Variants in SHOX observed in about 807,000 individuals in gnomAD.
The protein encoded by SHOX is short stature homeobox protein.
Under a neutral mutation model 29.6 loss-of-function variants are expected in SHOX, and 12 were observed. The observed-to-expected ratio is 0.41, with a 90% CI of 0.26 to 0.66. SHOX has a LOEUF of 0.66. SHOX is among the 30% of genes least tolerant of loss of function. The pLI is 0.35. For synonymous variants in SHOX, 214 were observed against 200.6 expected, an observed-to-expected ratio of 1.07 and a Z score of -0.57; for missense variants, 499 against 437.7, an observed-to-expected ratio of 1.14 and a Z score of -1.25.
At chrX:656,132 A>G (rs1420173167), downstream of SHOX, among the ~76,000 whole-genome samples, 2 of 145,872 alleles carry the variant, frequency 1.4e-5, no homozygotes, top group Non-Finnish European at 3.0e-5. Flanking sequence ...CAACAAAGTG[A>G]GACCCTGTCT....
intron 1 of SHOX, chrX:631,957 C>T (rs780948532): frequency 2.2e-6 from 1 of 456,104 alleles, no homozygotes; most frequent in Admixed American, 2.3e-5. Context: ...GCCGGGCCCC[C>T]GGAGATCACG....
chrX:625,669 C>T (rs1461881664), intron 1 of SHOX, among the ~76,000 whole-genome samples: 4 of 132,424 alleles, frequency 3.0e-5, no homozygotes, highest in African/African-American at 1.1e-4. Flanking sequence ...GTCTTCGTTC[C>T]TCTCTCTCTT....
intron 4 of SHOX, among the ~76,000 whole-genome samples, chrX:642,838 T>TGGGACCTGGTGTCCTGGGAGAGGCTTG (rs2052880423): frequency 7.3e-6 from 1 of 136,650 alleles, no homozygotes. Context: ...GGAGGGCCTT[T>TGGGACCTGGTGTCCTGGGAGAGGCTTG]GGGACCTGGT....
At chrX:628,331 C>G (rs1284462780), upstream of SHOX, among the ~76,000 whole-genome samples, 4 of 150,610 alleles carry the variant, frequency 2.7e-5, 1 homozygote, top group Non-Finnish European at 1.5e-5. Flanking sequence ...TTGTCTCTCT[C>G]TTTCTCTCTC....
intron 2 of SHOX, among the ~76,000 whole-genome samples, chrX:635,741 G>C (rs534232692): frequency 6.1e-4 from 93 of 152,264 alleles, no homozygotes; most frequent in Non-Finnish European, 1.2e-3. Context: ...CAGGGGTGCT[G>C]CTGGGAGAGC....
rs1207284547 is a variant in SHOX at position 649,904 on chromosome X, C to T, written c.*5268C>T. 1 of 455,932 alleles carries T rather than the reference C, an allele frequency of 2.2e-6. No homozygotes were observed. The highest frequency in any genetic ancestry group is 2.4e-5 in the Admixed American group (1 of 42,542). The allele number at this position is 455,932 out of a possible 1,614,324, so 28.2% of individuals were successfully genotyped here. A position where few individuals can be genotyped will look rare whatever the true frequency, so the allele number is the denominator to read the frequency against. On this transcript the variant is annotated 3_prime_UTR_variant, in exon 5 of 5. Coordinates refer to ENST00000686671, the MANE Select transcript of SHOX (RefSeq NM_000451.4). ...TGGTGAAATCTGTTTCTGACATATC[C>T]ACTTTTCTCTCTCTTTTCTCTCTCT...
In SHOX at chrX:644,900, G is replaced by A; in HGVS notation, c.*264G>A. 1 of 461,010 alleles carries A rather than the reference G, an allele frequency of 2.2e-6. No individual in the cohort carries two copies. Among genetic ancestry groups the A allele is most frequent in the Non-Finnish European group, 3.7e-6 (1 of 269,132 alleles). 28.6% of individuals were successfully genotyped at this position (461,010 alleles called of 1,614,324 possible). A position where few individuals can be genotyped will look rare whatever the true frequency, so the allele number is the denominator to read the frequency against. Reference sequence around the variant, plus strand: ...CCCGGGCCTCTCCAAGGCTGCCCGTGCGTCCTGGGACCCTGGAGAAGGGTA... The same window carrying A: ...CCCGGGCCTCTCCAAGGCTGCCCGTACGTCCTGGGACCCTGGAGAAGGGTA... On this transcript the variant is annotated 3_prime_UTR_variant, in exon 5 of 5. Transcript: ENST00000686671.
chrX:658,471 C>CTTT (rs777890718), intron 5 of SHOX, among the ~76,000 whole-genome samples: 1 of 134,434 alleles, frequency 7.4e-6, no homozygotes, highest in Non-Finnish European at 1.6e-5. Flanking sequence ...AAAAAGAACT[C>CTTT]TTTTTTTTTT....
At chrX:656,941 AT>A (rs2053156665) in intron 5 of SHOX, among the ~76,000 whole-genome samples, 1 of 91,228 alleles carries the variant, frequency 1.1e-5, no homozygotes, top group Non-Finnish European at 2.2e-5. Context: ...AAAAAAAAAA[AT>A]GCTGCCCAAG....
At chrX:638,274 G>T (rs1569494263) in intron 2 of SHOX, among the ~76,000 whole-genome samples, 1 of 150,954 alleles carries the variant, frequency 6.6e-6, no homozygotes, top group Non-Finnish European at 1.5e-5. Context: ...TTTTCCTCTC[G>T]CCGTGTTGAA....
At chrX:642,961 T>TG (rs2052883834) in intron 4 of SHOX, among the ~76,000 whole-genome samples, 1 of 133,064 alleles carries the variant, frequency 7.5e-6, no homozygotes, top group Non-Finnish European at 1.6e-5. Context: ...CCTGGTGTTC[T>TG]GGGAGAGGCT....
rs73607270 is a variant in SHOX at position 639,104 on chromosome X, G to A, written c.487-1717G>A. 2.6e-3 allele frequency among the ~76,000 whole-genome samples: 403 copies of A among 152,286 alleles called. 4 individuals are homozygous for A. The highest frequency in any genetic ancestry group is 9.1e-3 in the African/African-American group (377 of 41,556). ...AATACTGGGAGAGCAGAGGAGGCTC[G>A]TAGGAGGTGAGAGGGGGTGGAATTT... On this transcript the variant is annotated intron_variant, in intron 2 of 4. Transcript: ENST00000686671.
At chrX:636,970 A>ATATATATATATATATATATTT (rs1458275715) in intron 2 of SHOX, among the ~76,000 whole-genome samples, 10 of 137,334 alleles carry the variant, frequency 7.3e-5, no homozygotes, top group African/African-American at 2.5e-4. Flanking sequence ...ATATATATAT[A>ATATATATATATATATATATTT]TTTTGGCTCC....
chrX:640,495 G>C (rs1224771321), intron 2 of SHOX, among the ~76,000 whole-genome samples: 2 of 152,154 alleles, frequency 1.3e-5, no homozygotes, highest in Non-Finnish European at 2.9e-5. Context: ...AGAATGGCTT[G>C]AACCTGGGAG....
chrX:629,776 G>A (rs2052614912), upstream of SHOX, among the ~76,000 whole-genome samples: 1 of 152,124 alleles, frequency 6.6e-6, no homozygotes, highest in Non-Finnish European at 1.5e-5. Flanking sequence ...TTTGCAGAAG[G>A]TCCTTGGCAG....
chrX:634,111 C>G (rs1201434099), intron 1 of SHOX, among the ~76,000 whole-genome samples: 1 of 152,064 alleles, frequency 6.6e-6, no homozygotes, highest in Non-Finnish European at 1.5e-5. Context: ...AAACAGGCTT[C>G]GGGTAGGGGC....
In SHOX at chrX:631,041, G is replaced by A. The variant is rs750638027; in HGVS notation, c.144G>A (p.Glu48=). The part of the protein sequence containing the change: ...VLESGLARSR[E]LGTSDSSLQD... ...AGAGCGGACTGGCGCGCTCCCGGGA[G>A]CTGGGGACGTCGGATTCCAGCCTCC... Residue 48 remains glutamate (E), a synonymous_variant, in exon 1 of 5, where the codon GAG becomes GAA. Transcript: ENST00000686671. 1.5e-4 allele frequency: 239 copies of A among 1,613,850 alleles called. No homozygotes were observed. The South Asian group carries it at 2.5e-3, about 17-fold the overall frequency.
At position 650,845 on chromosome X, in the gene SHOX, T is replaced by G. The variant is rs1419414771; in HGVS notation, c.*6209T>G. Among the ~76,000 whole-genome samples the G allele has an allele frequency of 7.1e-6, 1 of 140,028 alleles. No individual in the cohort carries two copies. The highest frequency in any genetic ancestry group is 2.6e-5 in the African/African-American group (1 of 37,852). The allele number at this position is 140,028 out of a possible 152,430, so 91.9% of individuals were successfully genotyped here. ...CTGGTGCCTAATTTATTAAAGAGAA[T>G]TAGCTTAGCGAGTATATGCTGATAT... On this transcript the variant is annotated 3_prime_UTR_variant, in exon 5 of 5. Coordinates refer to ENST00000686671, the MANE Select transcript of SHOX (RefSeq NM_000451.4).
upstream of SHOX, among the ~76,000 whole-genome samples, chrX:630,119 G>C (rs751181153): frequency 6.6e-6 from 1 of 152,098 alleles, no homozygotes; most frequent in South Asian, 2.1e-4. Context: ...CGGCCCCGGG[G>C]ATCCTCGGCC....
Sources: gnomAD v4.1 joint callset for allele counts (sites outside exome capture counted in the v4.1 genomes callset) on GRCh38, gnomAD v4.1.1 for gene constraint, MANE v1.5 for transcripts, NCBI Gene and HGNC (gene_info 2026-07-23, HGNC 2026-07-21) for gene names.